FNIP2: variants seen among roughly 807,000 people sequenced by gnomAD.
FNIP2 encodes folliculin-interacting protein 2.
A neutral mutation model predicts 108.7 loss-of-function variants in FNIP2; 32 were observed. That is an observed-to-expected ratio of 0.29 (90% confidence interval 0.22 to 0.40). FNIP2 has a LOEUF of 0.40. Among genes scored for constraint, FNIP2 ranks in the 10% least tolerant of loss-of-function variants. The probability of loss-of-function intolerance (pLI) is 1.00; values close to 1 mark genes in which losing one functional copy is unlikely to be tolerated. For missense variants in FNIP2, 1,202 were observed against 1,381.6 expected, an observed-to-expected ratio of 0.87 and a Z score of 2.06; for synonymous variants, 480 against 496.7, an observed-to-expected ratio of 0.97 and a Z score of 0.45.
chr4:158,862,653 A>G (rs1403844218), intron 12 of FNIP2, among the ~76,000 whole-genome samples: 1 of 152,256 alleles, frequency 6.6e-6, no homozygotes, highest in African/African-American at 2.4e-5. Context: ...AAATGTTCCC[A>G]ACACAAAGAA....
At chr4:158,783,817 T>C (rs773604100) in intron 1 of FNIP2, among the ~76,000 whole-genome samples, 2 of 152,180 alleles carry the variant, frequency 1.3e-5, no homozygotes, top group Non-Finnish European at 2.9e-5. Flanking sequence ...CAGTTCAGCT[T>C]CCTAGACTGA....
At position 158,869,315 on chromosome 4, in the gene FNIP2, A is replaced by G. The variant is rs762478434; in HGVS notation, c.2679A>G (p.Ser893=). 4 of 1,613,738 alleles carry G rather than the reference A, an allele frequency of 2.5e-6. No individual in the cohort carries two copies. The highest frequency in any genetic ancestry group is 1.3e-5 in the African/African-American group (1 of 74,926). ...TEGDIPRNES[S]DSALGDSDDE... ...GAGACATTCCCCGAAATGAAAGCTC[A>G]GATAGCGCCCTGGGAGACAGTGACG... is the stretch of plus-strand genomic sequence containing the variant. The change falls in exon 13 of 17, where the codon TCA becomes TCG. Residue 893 remains serine (S), a synonymous_variant. Coordinates refer to ENST00000264433, the MANE Select transcript of FNIP2 (RefSeq NM_020840.3).
In FNIP2 at chr4:158,868,764, G is replaced by A. The variant is rs373524512; in HGVS notation, c.2128G>A (p.Glu710Lys). The change falls in exon 13 of 17, where the codon GAG becomes AAG. Residue 710 changes from glutamate to lysine, a missense_variant. Transcript: ENST00000264433. This position sits in a 1 kb window ranked among gnomAD's most constrained non-coding sequence, Gnocchi z 4.6. ...GCCTTGCCCTGACAGACATCTCCGG[G>A]AGAAACCTTCCTTAGAAAAGGTCAC... ...AWPCPDRHLR[E>K]KPSLEKVTFQ... is the part of the protein sequence containing the mutation. 8 of 1,613,746 alleles carry A rather than the reference G, an allele frequency of 5.0e-6. No individual in the cohort carries two copies. The East Asian group carries it at 1.3e-4, about 27-fold the overall frequency.
At chr4:158,804,286 C>G (rs1776861830) in intron 1 of FNIP2, among the ~76,000 whole-genome samples, 1 of 152,060 alleles carries the variant, frequency 6.6e-6, no homozygotes, top group Non-Finnish European at 1.5e-5. Flanking sequence ...TTAAACCAAT[C>G]AGAAAGTATC....
At chr4:158,870,665 G>A (rs1780890887) in intron 14 of FNIP2, among the ~76,000 whole-genome samples, 196 bp downstream of exon 14, 1 of 152,236 alleles carries the variant, frequency 6.6e-6, no homozygotes, top group South Asian at 2.1e-4. Context: ...AGCACACCTG[G>A]GCCTGACAGA....
Position 158,902,625 on chromosome 4 carries a change from G to A in FNIP2, c.3267-1841G>A, listed in dbSNP as rs144489181. Among the ~76,000 whole-genome samples, 651 of 152,308 alleles carry A rather than the reference G, an allele frequency of 4.3e-3. 4 individuals are homozygous for A. Among genetic ancestry groups the A allele is most frequent in the Middle Eastern group, 0.031 (9 of 294 alleles). Reference sequence around the variant, plus strand: ...AGGTGCTCTGTCCCAAAGAGATGGGGGTTTTATCTATAAACCCCTAACTGG... The same window carrying A: ...AGGTGCTCTGTCCCAAAGAGATGGGAGTTTTATCTATAAACCCCTAACTGG... On this transcript the variant is annotated intron_variant, in intron 16 of 16. Coordinates refer to ENST00000264433, the MANE Select transcript of FNIP2 (RefSeq NM_020840.3).
At chr4:158,875,541 T>TATATATATATATATATATGC (rs1553964269) in intron 14 of FNIP2, among the ~76,000 whole-genome samples, 37 of 141,462 alleles carry the variant, frequency 2.6e-4, no homozygotes, top group African/African-American at 1.0e-3. Flanking sequence ...TATATATATA[T>TATATATATATATATATATGC]GCTCATGAAT....
rs544221889 is a variant in FNIP2 at position 158,787,220 on chromosome 4, G to A, written c.107+17901G>A. ...CAAAGATTTGTTTAGCCAATGAAATGTAGTGGGGATTTCAAAGCAGAAATG... is the reference window on the plus strand; with the variant it reads ...CAAAGATTTGTTTAGCCAATGAAATATAGTGGGGATTTCAAAGCAGAAATG... On this transcript the variant is annotated intron_variant, in intron 1 of 16. Transcript: ENST00000264433. 3.9e-5 allele frequency among the ~76,000 whole-genome samples: 6 copies of A among 152,336 alleles called. No homozygotes were observed. The South Asian group carries it at 1.2e-3, about 32-fold the overall frequency.
chr4:158,785,087 CT>C (rs397805773), intron 1 of FNIP2, among the ~76,000 whole-genome samples: 115 of 123,144 alleles, frequency 9.3e-4, no homozygotes, highest in East Asian at 1.5e-3. Context: ...TAAAGTTCCT[CT>C]TTTTTTTTTT....
In FNIP2 at chr4:158,769,143, C is replaced by A. The variant is rs1775603241; in HGVS notation, c.-70C>A. The A allele has an allele frequency of 2.8e-6, 2 of 723,760 alleles. No homozygotes were observed. Among genetic ancestry groups the A allele is most frequent in the African/African-American group, 1.9e-5 (1 of 51,636 alleles). The allele number at this position is 723,760 out of a possible 1,614,324, so 44.8% of individuals were successfully genotyped here. The stretch of plus-strand genomic sequence containing the variant: ...GCCGCGATGGCCCCGCCACCGCGGC[C>A]GCCGCCCCCGGCTGCGCGCTGAGCC... On this transcript the variant is annotated 5_prime_UTR_variant, in exon 1 of 17. Coordinates refer to ENST00000264433, the MANE Select transcript of FNIP2 (RefSeq NM_020840.3).
intron 2 of FNIP2, 146 bp from the exon 3 acceptor site, chr4:158,828,933 G>C (rs954166564): frequency 8.0e-6 from 5 of 628,078 alleles, no homozygotes; most frequent in Non-Finnish European, 1.0e-5. Context: ...CCATGTTTTT[G>C]TCATTATTGG....
intron 10 of FNIP2, 91 bp from the exon 11 acceptor site, chr4:158,861,251 C>T: frequency 7.2e-7 from 1 of 1,397,422 alleles, no homozygotes; most frequent in Non-Finnish European, 9.5e-7. Context: ...TACATAGATT[C>T]AAGTTGTTTT....
chr4:158,812,727 T>C (rs1157639638), intron 1 of FNIP2, among the ~76,000 whole-genome samples: 1 of 151,990 alleles, frequency 6.6e-6, no homozygotes, highest in Non-Finnish European at 1.5e-5. Context: ...CACTGAGGAA[T>C]CTGTATTGAC....
intron 7 of FNIP2, among the ~76,000 whole-genome samples, chr4:158,841,007 T>C (rs1779100727): frequency 6.6e-6 from 1 of 152,222 alleles, no homozygotes; most frequent in South Asian, 2.1e-4. Context: ...ATCATAGTGT[T>C]CAAATAAGAC....
intron 1 of FNIP2, among the ~76,000 whole-genome samples, chr4:158,819,652 T>C (rs1314725435): frequency 6.6e-6 from 1 of 152,268 alleles, no homozygotes; most frequent in Non-Finnish European, 1.5e-5. Flanking sequence ...AATCTGTTAC[T>C]GCCATCTATT....
At chr4:158,867,080 C>T (rs940038799) in intron 12 of FNIP2, among the ~76,000 whole-genome samples, 1 of 152,158 alleles carries the variant, frequency 6.6e-6, no homozygotes, top group Non-Finnish European at 1.5e-5. Context: ...GACACATTTG[C>T]CCTTATTGTC....
At chr4:158,807,605 C>A (rs1252560005) in intron 1 of FNIP2, among the ~76,000 whole-genome samples, 4 of 152,246 alleles carry the variant, frequency 2.6e-5, no homozygotes, top group Admixed American at 6.5e-5. Flanking sequence ...CATAAGTATG[C>A]TTCTTAGTTT....
intron 7 of FNIP2, among the ~76,000 whole-genome samples, chr4:158,849,663 T>C (rs933490004): frequency 1.3e-5 from 2 of 152,176 alleles, no homozygotes; most frequent in Non-Finnish European, 2.9e-5. Context: ...AGCTCTCTTC[T>C]AACTCCTTTC....
chr4:158,828,447 C>G (rs1402141657), intron 2 of FNIP2, among the ~76,000 whole-genome samples: 1 of 152,120 alleles, frequency 6.6e-6, no homozygotes, highest in Non-Finnish European at 1.5e-5. Context: ...AACCCCATCT[C>G]CACTAAAAAT....
Sources: allele counts gnomAD v4.1 joint callset (sites outside exome capture counted in the v4.1 genomes callset), GRCh38; gene constraint gnomAD v4.1.1; non-coding constraint Gnocchi (gnomAD v3.1); transcripts MANE v1.5; gene names NCBI Gene and HGNC (gene_info 2026-07-23, HGNC 2026-07-21).